NAV1: variants seen among roughly 807,000 people sequenced by gnomAD.
NAV1 encodes neuron navigator 1.
Under a neutral mutation model 175.2 loss-of-function variants are expected in NAV1, and 18 were observed. The observed-to-expected ratio is 0.10, with a 90% confidence interval of 0.07 to 0.15. The LOEUF is 0.15. NAV1 is among the 10% of genes least tolerant of loss of function. NAV1 has a pLI of 1.00. For synonymous variants in NAV1, 897 were observed against 978.7 expected (o/e 0.92, Z 1.56); for missense variants, 1,731 against 2,436.6 (o/e 0.71, Z 6.10).
Position 201,813,267 on chromosome 1 carries a change from T to C in NAV1, c.5340+9T>C. The C allele has an allele frequency of 1.3e-6, 2 of 1,560,538 alleles. No individual in the cohort carries two copies. Among genetic ancestry groups the C allele is most frequent in the Non-Finnish European group, 1.8e-6 (2 of 1,133,432 alleles). ...CCAAGGATGGGATAAAGGTGAGCCC[T>C]ACCCCCTTCACTCAAACCCTAAGAT... On this transcript the variant is annotated intron_variant, in intron 28 of 29. Coordinates refer to ENST00000367296, the Ensembl canonical transcript of NAV1. The surrounding 1 kb of genome is among the most constrained non-coding windows in gnomAD (Gnocchi z 4.2).
At chr1:201,560,277 C>T (rs1005278001) in intron 1 of NAV1, among the ~76,000 whole-genome samples, 1 of 152,138 alleles carries the variant, frequency 6.6e-6, no homozygotes, top group African/African-American at 2.4e-5. Context: ...ATGGGACAGG[C>T]TAGAATGCTA....
At chr1:201,579,165 T>G (rs1666776555) in intron 1 of NAV1, among the ~76,000 whole-genome samples, 1 of 152,140 alleles carries the variant, frequency 6.6e-6, no homozygotes, top group Non-Finnish European at 1.5e-5. Context: ...CTTTCTGGGC[T>G]GCCACTTTCC....
intron 1 of NAV1, among the ~76,000 whole-genome samples, chr1:201,563,022 G>C (rs1666248149): frequency 6.6e-6 from 1 of 152,238 alleles, no homozygotes; most frequent in South Asian, 2.1e-4. Flanking sequence ...TTTTGCCAGA[G>C]TGGGTGGTTA....
chr1:201,787,724 G>C lies in NAV1; in HGVS notation c.2996-744G>C, dbSNP rs1032838652. On this transcript the variant is annotated intron_variant, in intron 9 of 29. Transcript: ENST00000367296. This position sits in a 1 kb window ranked among gnomAD's most constrained non-coding sequence, Gnocchi z 4.3. The stretch of plus-strand genomic sequence containing the variant: ...AGAATAGACAAGGGAGCTCCTTGTG[G>C]GTATGAAACCCTGAAAGGCTGTAAT... 3 of 456,002 alleles carry C rather than the reference G, an allele frequency of 6.6e-6. No homozygotes were observed. Among genetic ancestry groups the C allele is most frequent in the Admixed American group, 4.7e-5 (2 of 42,554 alleles). The allele number at this position is 456,002 out of a possible 1,614,324, so 28.2% of individuals were successfully genotyped here.
At chr1:201,645,557 T>A (rs993053654), upstream of NAV1, among the ~76,000 whole-genome samples, 3 of 151,736 alleles carry the variant, frequency 2.0e-5, no homozygotes, top group Non-Finnish European at 4.4e-5. Flanking sequence ...ATAATAATAA[T>A]AAAATAAAAT....
intron 2 of NAV1, among the ~76,000 whole-genome samples, chr1:201,599,528 C>G (rs919698155): frequency 6.6e-6 from 1 of 152,172 alleles, no homozygotes; most frequent in Non-Finnish European, 1.5e-5. Context: ...ACAGGTGGTA[C>G]AGAAGAATGG....
intron 1 of NAV1, among the ~76,000 whole-genome samples, chr1:201,666,500 A>G (rs116383917): frequency 0.012 from 1,847 of 152,330 alleles, 49 homozygotes; most frequent in African/African-American, 0.042. Context: ...GATCAGGAGA[A>G]AATGATAGTA....
chr1:201,609,258 A>T (rs1267128), intron 2 of NAV1, among the ~76,000 whole-genome samples: 55,925 of 152,112 alleles, frequency 0.37, 11,459 homozygotes, highest in African/African-American at 0.54. Context: ...GCCAGCCTGG[A>T]GCTGCCTTCA....
At chr1:201,775,582 G>A (rs908699020) in intron 3 of NAV1, among the ~76,000 whole-genome samples, 4 of 151,984 alleles carry the variant, frequency 2.6e-5, no homozygotes, top group African/African-American at 9.7e-5. Flanking sequence ...ATAACACGAA[G>A]TCCCGCCAGT....
At chr1:201,793,452 G>T (rs543412033) in intron 13 of NAV1, 2 of 206,792 alleles carry the variant, frequency 9.7e-6, no homozygotes, top group Non-Finnish European at 2.0e-5. Flanking sequence ...GCTATGGCCC[G>T]CCTACCAAGT....
chr1:201,782,240 C>A lies in NAV1; in HGVS notation c.1728C>A (p.Arg576=). The change falls in exon 6 of 30, where the codon CGC becomes CGA. Residue 576 remains arginine (R), a synonymous_variant. Coordinates refer to ENST00000367296, the Ensembl canonical transcript of NAV1. This position sits in a 1 kb window ranked among gnomAD's most constrained non-coding sequence, Gnocchi z 5.4. The stretch of plus-strand genomic sequence containing the variant: ...CAGTGAAGAATACTGGGCTCCAACG[C>A]TCCTCCTCTGATGCTGGTCGGGACC... 6.2e-7 allele frequency: 1 copy of A among 1,614,022 alleles called. No homozygotes were observed. Among genetic ancestry groups the A allele is most frequent in the Non-Finnish European group, 8.5e-7 (1 of 1,179,936 alleles).
intron 1 of NAV1, 40 bp from the exon 4 acceptor site, chr1:201,629,364 C>A: frequency 8.0e-7 from 1 of 1,252,342 alleles, no homozygotes; most frequent in Non-Finnish European, 1.1e-6. Context: ...GAGACCAGGA[C>A]ATCTCTACCA....
At position 201,810,690 on chromosome 1, in the gene NAV1, G is replaced by C; in HGVS notation, c.4729G>C (p.Glu1577Gln). 1.2e-6 allele frequency: 2 copies of C among 1,614,132 alleles called. No individual in the cohort carries two copies. The highest frequency in any genetic ancestry group is 1.7e-6 in the Non-Finnish European group (2 of 1,180,014). ...CAATCGCTTGGCCGAGTACCTGGTGGAGCGCTCTGGCCGTGAGGTCACAGA... is the reference window on the plus strand; with the variant it reads ...CAATCGCTTGGCCGAGTACCTGGTGCAGCGCTCTGGCCGTGAGGTCACAGA... Residue 1577 changes from glutamate to glutamine, a missense_variant, in exon 24 of 30, where the codon GAG becomes CAG. By Grantham distance (29) the Glu-to-Gln change is conservative (BLOSUM62 2). Around this residue, in one of 13 missense-constraint regions of NAV1, gnomAD observed 115 missense variants for 269.4 expected, o/e 0.43. Coordinates refer to ENST00000367296, the Ensembl canonical transcript of NAV1. The surrounding 1 kb of genome is among the most constrained non-coding windows in gnomAD (Gnocchi z 6.0).
intron 1 of NAV1, among the ~76,000 whole-genome samples, chr1:201,668,981 G>A (rs1327518286): frequency 6.6e-6 from 1 of 152,172 alleles, no homozygotes; most frequent in Non-Finnish European, 1.5e-5. Context: ...ATGACCAATG[G>A]CCTAAGCGTG....
chr1:201,754,575 G>A (rs1235843092), intron 3 of NAV1, among the ~76,000 whole-genome samples: 2 of 152,190 alleles, frequency 1.3e-5, no homozygotes, highest in South Asian at 2.1e-4. Flanking sequence ...TGTGAGGTAA[G>A]GTGGAGAGGC....
chr1:201,544,634 G>A (rs1315577735), intron 1 of NAV1, among the ~76,000 whole-genome samples: 1 of 152,152 alleles, frequency 6.6e-6, no homozygotes, highest in African/African-American at 2.4e-5. Flanking sequence ...TAATCTGTCA[G>A]GGATATGACT....
chr1:201,636,420 C>A (rs1571855720), intron 2 of NAV1, among the ~76,000 whole-genome samples: 2 of 152,306 alleles, frequency 1.3e-5, no homozygotes, highest in African/African-American at 4.8e-5. Context: ...AGAGAGGTGA[C>A]ACAGACACAA....
intron 1 of NAV1, among the ~76,000 whole-genome samples, chr1:201,583,812 TA>T (rs1478310118): frequency 6.6e-6 from 1 of 152,188 alleles, no homozygotes; most frequent in Non-Finnish European, 1.5e-5. Flanking sequence ...ATAAAGCATG[TA>T]AATAGCTTAA....
chr1:201,793,018 A>C (rs1677210427), intron 13 of NAV1: 1 of 152,348 alleles, frequency 6.6e-6, no homozygotes, highest in Admixed American at 6.5e-5. Context: ...TCCATCCCCA[A>C]GTGCTCCCCT....
Sources: allele counts gnomAD v4.1 joint callset (sites outside exome capture counted in the v4.1 genomes callset), GRCh38; gene constraint gnomAD v4.1.1; regional missense constraint gnomAD v4.1.1; non-coding constraint Gnocchi (gnomAD v3.1); transcripts MANE v1.5; gene names NCBI Gene and HGNC (gene_info 2026-07-23, HGNC 2026-07-21).